The following SPATA16 variants were observed in gnomAD, a reference collection of about 807,000 sequenced individuals.
The protein encoded by SPATA16 is spermatogenesis-associated protein 16.
A neutral mutation model predicts 63.3 loss-of-function variants in SPATA16; 36 were observed. That is an observed-to-expected ratio of 0.57 (90% CI 0.44 to 0.75). SPATA16 has a LOEUF of 0.75. Among genes scored for constraint, SPATA16 ranks in the 30% least tolerant of loss-of-function variants. The pLI is 0.00. For missense variants in SPATA16, 646 were observed against 679.3 expected (o/e 0.95, Z 0.54); for synonymous variants, 203 against 216.7 (o/e 0.94, Z 0.56).
At chr3:172,906,746 T>TTG (rs200265421) in intron 10 of SPATA16, among the ~76,000 whole-genome samples, 59 of 151,830 alleles carry the variant, frequency 3.9e-4, no homozygotes, top group African/African-American at 1.1e-3. Flanking sequence ...TTTACTTTTT[T>TTG]ATTTTTTATT....
intron 2 of SPATA16, among the ~76,000 whole-genome samples, chr3:173,078,101 C>A (rs1304733050): frequency 6.6e-6 from 1 of 151,938 alleles, no homozygotes; most frequent in Admixed American, 6.6e-5. Flanking sequence ...ACTTGTATTA[C>A]AATAGGAGAT....
chr3:173,001,814 T>A (rs552539020), intron 4 of SPATA16, among the ~76,000 whole-genome samples: 1 of 152,214 alleles, frequency 6.6e-6, no homozygotes, highest in Non-Finnish European at 1.5e-5. Flanking sequence ...GATGTTGATT[T>A]TTTCTGTTTG....
intron 2 of SPATA16, among the ~76,000 whole-genome samples, chr3:173,107,029 T>C (rs952410994): frequency 2.0e-5 from 3 of 152,196 alleles, no homozygotes; most frequent in African/African-American, 7.2e-5. Flanking sequence ...AACTTTCTCA[T>C]GCTAAGCCTT....
At chr3:172,993,380 T>A (rs1463606971) in intron 4 of SPATA16, among the ~76,000 whole-genome samples, 2 of 152,084 alleles carry the variant, frequency 1.3e-5, no homozygotes, top group African/African-American at 4.8e-5. Context: ...GTTTCCTTGA[T>A]CAATGGCAAA....
chr3:173,136,584 TA>T (rs1738550639), intron 1 of SPATA16, among the ~76,000 whole-genome samples: 1 of 152,214 alleles, frequency 6.6e-6, no homozygotes, highest in African/African-American at 2.4e-5. Flanking sequence ...TGCTGTCAGA[TA>T]CTAGGTCTTA....
chr3:173,100,525 C>A (rs1399669281), intron 2 of SPATA16, among the ~76,000 whole-genome samples: 2 of 152,026 alleles, frequency 1.3e-5, no homozygotes, highest in African/African-American at 4.8e-5. Flanking sequence ...TTTCATCGTT[C>A]TGCTTGGCAT....
In SPATA16 at chr3:172,977,072, A is replaced by C; in HGVS notation, c.849-20T>G. On this transcript the variant is annotated intron_variant, in intron 4 of 10. Transcript: ENST00000351008. ...GCACTCCTAAGAACAAGGACAGATT[A>C]AAAAAAAAACAAAAACAAATGTATA... The C allele has an allele frequency of 2.7e-6, 4 of 1,482,794 alleles. No individual in the cohort carries two copies. Among genetic ancestry groups the C allele is most frequent in the Non-Finnish European group, 3.7e-6 (4 of 1,083,960 alleles). 91.9% of individuals were successfully genotyped at this position (1,482,794 alleles called of 1,614,324 possible).
intron 2 of SPATA16, among the ~76,000 whole-genome samples, chr3:173,049,520 G>A (rs55768751): frequency 0.021 from 3,201 of 152,150 alleles, 45 homozygotes; most frequent in Non-Finnish European, 0.033. Context: ...AAACCCAGCT[G>A]AGCAATGATC....
chr3:172,932,556 G>C (rs1381261408), intron 6 of SPATA16, among the ~76,000 whole-genome samples: 1 of 151,986 alleles, frequency 6.6e-6, no homozygotes, highest in Admixed American at 6.6e-5. Context: ...ATCGTGTTCT[G>C]AGTTTTATTT....
chr3:172,928,066 C>T (rs183196190), intron 6 of SPATA16, among the ~76,000 whole-genome samples: 57 of 152,174 alleles, frequency 3.7e-4, no homozygotes, highest in African/African-American at 1.3e-3. Flanking sequence ...CGCGCCACCA[C>T]ACCCAGCTAA....
intron 4 of SPATA16, among the ~76,000 whole-genome samples, chr3:173,008,001 T>G (rs1207880200): frequency 8.5e-5 from 13 of 152,184 alleles, no homozygotes; most frequent in Admixed American, 8.5e-4. Context: ...CATTTAGCAA[T>G]TTTTTATTTT....
chr3:172,940,844 G>C (rs189635614), intron 6 of SPATA16, among the ~76,000 whole-genome samples: 2 of 152,038 alleles, frequency 1.3e-5, no homozygotes, highest in East Asian at 1.9e-4. Flanking sequence ...TTAGCTGGGC[G>C]TGGTGGCACG....
chr3:173,084,966 T>C (rs1737013016), intron 2 of SPATA16, among the ~76,000 whole-genome samples: 1 of 152,218 alleles, frequency 6.6e-6, no homozygotes, highest in South Asian at 2.1e-4. Context: ...CCTCCAACTT[T>C]GTTCTTTTTG....
chr3:173,098,784 G>T (rs1251118508), intron 2 of SPATA16, among the ~76,000 whole-genome samples: 1 of 152,014 alleles, frequency 6.6e-6, no homozygotes, highest in Non-Finnish European at 1.5e-5. Context: ...AGATAGTAAA[G>T]GAAAAAATTA....
chr3:172,975,517 C>T (rs909921396), intron 5 of SPATA16, among the ~76,000 whole-genome samples: 5 of 152,034 alleles, frequency 3.3e-5, no homozygotes, highest in Non-Finnish European at 7.4e-5. Context: ...AAAAAGTCCT[C>T]TTTGTATAGC....
Position 172,915,166 on chromosome 3 carries a change from A to G in SPATA16, c.1503+1151T>C, listed in dbSNP as rs11719598. Among the ~76,000 whole-genome samples, 162 of 152,272 alleles carry G rather than the reference A, an allele frequency of 1.1e-3. 2 individuals are homozygous for G. Among genetic ancestry groups the G allele is most frequent in the African/African-American group, 3.7e-3 (155 of 41,578 alleles). On this transcript the variant is annotated intron_variant, in intron 9 of 10. Coordinates refer to ENST00000351008, the MANE Select transcript of SPATA16 (RefSeq NM_031955.6). ...TTTAGAAGGTGTTCTTTTGCACACA[A>G]CCATAAAGTTTAGAAAGTATTATTG...
chr3:172,992,393 A>G (rs139832067), intron 4 of SPATA16, among the ~76,000 whole-genome samples: 2,676 of 152,142 alleles, frequency 0.018, 41 homozygotes, highest in Middle Eastern at 0.048. Flanking sequence ...GGGGGAGTGA[A>G]GAAAGAAACC....
intron 4 of SPATA16, among the ~76,000 whole-genome samples, chr3:173,000,626 T>G (rs1366857955): frequency 2.6e-5 from 4 of 152,114 alleles, no homozygotes; most frequent in Non-Finnish European, 4.4e-5. Context: ...TTGCTTCTGC[T>G]CCTTTCTCTC....
intron 3 of SPATA16, among the ~76,000 whole-genome samples, chr3:173,034,277 A>G (rs949898368): frequency 6.6e-6 from 1 of 152,192 alleles, no homozygotes; most frequent in Non-Finnish European, 1.5e-5. Flanking sequence ...AAGAAATTTT[A>G]AAATGAACTG....
Sources: allele counts gnomAD v4.1 joint callset (sites outside exome capture counted in the v4.1 genomes callset), GRCh38; gene constraint gnomAD v4.1.1; transcripts MANE v1.5; gene names NCBI Gene and HGNC (gene_info 2026-07-23, HGNC 2026-07-21).